ADAMTS20: variants seen among roughly 807,000 people sequenced by gnomAD.
ADAMTS20 encodes A disintegrin and metalloproteinase with thrombospondin motifs 20.
In ADAMTS20, 225 loss-of-function variants were observed where a neutral mutation model predicts 260.1. The ratio of observed to expected loss-of-function variants is 0.87; its 90% CI spans 0.78 to 0.97. The LOEUF is 0.97. ADAMTS20 is among the 50% of genes least tolerant of loss of function. The pLI, the probability that ADAMTS20 is intolerant of heterozygous loss-of-function variation, is 0.00. For synonymous variants in ADAMTS20, 802 were observed against 769.5 expected (o/e 1.04, Z -0.70); for missense variants, 2,400 against 2,337.7 (o/e 1.03, Z -0.55).
chr12:43,541,498 C>A (rs1360281708), intron 2 of ADAMTS20, among the ~76,000 whole-genome samples: 1 of 152,144 alleles, frequency 6.6e-6, no homozygotes, highest in Non-Finnish European at 1.5e-5. Context: ...ATGTGACAGC[C>A]ACTCTTTTTA....
At chr12:43,440,400 C>T (rs562679125) in intron 16 of ADAMTS20, among the ~76,000 whole-genome samples, 1 of 152,220 alleles carries the variant, frequency 6.6e-6, no homozygotes, top group South Asian at 2.1e-4. Context: ...CTGCCCGCTT[C>T]GGCCTCTCAA....
intron 23 of ADAMTS20, 25 bp from the exon 24 acceptor site, chr12:43,429,749 G>C: frequency 1.4e-6 from 2 of 1,420,968 alleles, no homozygotes; most frequent in Non-Finnish European, 1.9e-6. Flanking sequence ...AATGGTTCTC[G>C]TAAAACATTA....
At chr12:43,516,396 G>A (rs17093430) in intron 3 of ADAMTS20, among the ~76,000 whole-genome samples, 12,738 of 152,214 alleles carry the variant, frequency 0.084, 706 homozygotes, top group Admixed American at 0.19. Flanking sequence ...CATAAGCAAA[G>A]CATCATGTGG....
intron 7 of ADAMTS20, among the ~76,000 whole-genome samples, chr12:43,472,504 C>T (rs960447858): frequency 8.2e-5 from 11 of 134,522 alleles, no homozygotes; most frequent in Admixed American, 2.3e-4. Flanking sequence ...AGATACTCCT[C>T]GAGAAGAGCA....
chr12:43,352,965 A>G (rs572431420), downstream of ADAMTS20, among the ~76,000 whole-genome samples: 17 of 152,290 alleles, frequency 1.1e-4, no homozygotes, highest in South Asian at 2.9e-3. Context: ...AGAGCTTTAT[A>G]TGGTACAATA....
intron 11 of ADAMTS20, 94 bp from the exon 12 acceptor site, chr12:43,454,146 C>A: frequency 7.4e-7 from 1 of 1,357,104 alleles, no homozygotes; most frequent in Non-Finnish European, 9.9e-7. Context: ...AACAGAAGAA[C>A]AAACTAAACA....
chr12:43,536,368 A>G (rs1943294822), intron 2 of ADAMTS20, among the ~76,000 whole-genome samples: 1 of 152,212 alleles, frequency 6.6e-6, no homozygotes. Context: ...ATGGGCACCT[A>G]CTATGTGCCA....
rs150033653 is a variant in ADAMTS20, at chr12:43,428,469, C to T, written c.3717G>A (p.Gln1239=). ...GATCACAGTAATTCTCATCAATTGGCTGATGGTAGTTCATGCATAAAACTT... is the reference window on the plus strand; with the variant it reads ...GATCACAGTAATTCTCATCAATTGGTTGATGGTAGTTCATGCATAAAACTT... ...TRQVLCMNYH[Q]PIDENYCDPE... Residue 1239 remains glutamine, a synonymous_variant, in exon 26 of 39, where the codon CAG becomes CAA. Transcript: ENST00000389420. 1.2e-5 allele frequency: 20 copies of T among 1,613,752 alleles called. No homozygotes were observed. The African/African-American group carries it at 2.4e-4, about 19-fold the overall frequency.
chr12:43,478,058 T>C (rs1236642466), intron 7 of ADAMTS20, among the ~76,000 whole-genome samples: 1 of 152,138 alleles, frequency 6.6e-6, no homozygotes, highest in African/African-American at 2.4e-5. Context: ...AGAAATAAGA[T>C]GTATGGCTAT....
rs1291045246 is a variant in ADAMTS20, at chr12:43,474,273, C to A, written c.1118-5568G>T. On this transcript the variant is annotated intron_variant, in intron 7 of 38. Transcript: ENST00000389420. ...ATACATTCCTCGACACATACACTCT[C>A]CCAAGACTAAACCAGGAAGAAGTTG... is the stretch of plus-strand genomic sequence containing the variant. Among the ~76,000 whole-genome samples the A allele has an allele frequency of 1.3e-4, 18 of 138,366 alleles. No individual in the cohort carries two copies. In the South Asian group the frequency reaches 4.0e-3, roughly 31 times the overall value. The allele number at this position is 138,366 out of a possible 152,430, so 90.8% of individuals were successfully genotyped here. A position where few individuals can be genotyped will look rare whatever the true frequency, so the allele number is the denominator to read the frequency against.
intron 21 of ADAMTS20, 24 bp downstream of exon 21, chr12:43,432,280 C>T (rs932903540): frequency 7.5e-6 from 12 of 1,602,526 alleles, no homozygotes; most frequent in Non-Finnish European, 9.4e-6. Flanking sequence ...TTTAATAGTT[C>T]CAAGCATCAT....
At chr12:43,453,249 T>C (rs895232162) in intron 12 of ADAMTS20, among the ~76,000 whole-genome samples, 2 of 152,196 alleles carry the variant, frequency 1.3e-5, no homozygotes, top group African/African-American at 4.8e-5. Flanking sequence ...GCCAAGATTT[T>C]ATTCAGAGTA....
intron 18 of ADAMTS20, among the ~76,000 whole-genome samples, chr12:43,436,134 G>A (rs887261013): frequency 6.6e-6 from 1 of 152,094 alleles, no homozygotes; most frequent in Non-Finnish European, 1.5e-5. Flanking sequence ...AATATGAAAA[G>A]TAGATGGAAA....
Position 43,411,351 on chromosome 12 carries a change from G to GTTGT in ADAMTS20, c.4285-12122_4285-12119dup, listed in dbSNP as rs141577930. On this transcript the variant is annotated intron_variant, in intron 28 of 38. Coordinates refer to ENST00000389420, the MANE Select transcript of ADAMTS20 (RefSeq NM_025003.5). Reference sequence around the variant, plus strand: ...TAAAATTGGTTTTCAAAAAGCATCTGTTGTTTGTTTGTTTGTTTGTTTGTT... The same window carrying GTTGT: ...TAAAATTGGTTTTCAAAAAGCATCTGTTGTTTGTTTGTTTGTTTGTTTGTTTGTT... Among the ~76,000 whole-genome samples the GTTGT allele has an allele frequency of 4.4e-3, 674 of 151,722 alleles. 2 individuals carry two copies. The highest frequency in any genetic ancestry group is 0.017 in the Middle Eastern group (5 of 294).
intron 4 of ADAMTS20, among the ~76,000 whole-genome samples, chr12:43,499,616 T>C (rs952268332): frequency 6.6e-5 from 10 of 152,052 alleles, no homozygotes; most frequent in African/African-American, 1.7e-4. Flanking sequence ...GCAATTCTCC[T>C]GCCTCAGCCT....
chr12:43,373,719 G>A (rs1360103746), intron 36 of ADAMTS20, among the ~76,000 whole-genome samples: 6 of 112,586 alleles, frequency 5.3e-5, no homozygotes, highest in African/African-American at 1.4e-4. Context: ...TCGCTCTGTC[G>A]CCCAGGCTGG....
At chr12:43,477,924 A>G (rs982952245) in intron 7 of ADAMTS20, among the ~76,000 whole-genome samples, 1 of 152,194 alleles carries the variant, frequency 6.6e-6, no homozygotes, top group Admixed American at 6.5e-5. Flanking sequence ...AAAAATCTCT[A>G]GAAGAAAGCA....
chr12:43,496,875 A>G (rs1344444450), intron 4 of ADAMTS20, among the ~76,000 whole-genome samples: 1 of 152,126 alleles, frequency 6.6e-6, no homozygotes, highest in African/African-American at 2.4e-5. Flanking sequence ...AATCTATGAG[A>G]CAGAGATATT....
chr12:43,363,280 C>T (rs939316462), intron 37 of ADAMTS20, among the ~76,000 whole-genome samples: 3 of 152,136 alleles, frequency 2.0e-5, no homozygotes, highest in Admixed American at 2.0e-4. Flanking sequence ...TCTCATCCCA[C>T]CCAAGTCTGT....
Sources: allele counts gnomAD v4.1 joint callset (sites outside exome capture counted in the v4.1 genomes callset), GRCh38; gene constraint gnomAD v4.1.1; transcripts MANE v1.5; gene names NCBI Gene and HGNC (gene_info 2026-07-23, HGNC 2026-07-21).